Variants in EHMT1 observed in about 807,000 individuals in gnomAD.
EHMT1 encodes histone-lysine N-methyltransferase EHMT1.
Under a neutral mutation model 147.2 loss-of-function variants are expected in EHMT1, and 15 were observed. The observed-to-expected ratio is 0.10, with a 90% confidence interval of 0.07 to 0.16. The LOEUF (loss-of-function observed/expected upper bound fraction) is 0.16, where lower values mean the gene tolerates loss of function less well. Among genes scored for constraint, EHMT1 ranks in the 10% least tolerant of loss-of-function variants. The pLI is 1.00. For missense variants in EHMT1, 1,587 were observed against 1,772.4 expected (o/e 0.90, Z 1.88); for synonymous variants, 795 against 709.6 (o/e 1.12, Z -1.91).
intron 4 of EHMT1, among the ~76,000 whole-genome samples, chr9:137,740,576 G>T (rs780389948): frequency 6.6e-6 from 1 of 152,168 alleles, no homozygotes; most frequent in Non-Finnish European, 1.5e-5. Context: ...GGACTGAAGC[G>T]GCTCCTCTTC....
chr9:137,632,609 A>G (rs1187671639), intron 1 of EHMT1, among the ~76,000 whole-genome samples: 3 of 151,980 alleles, frequency 2.0e-5, no homozygotes, highest in African/African-American at 7.3e-5. Context: ...TCACAATGTT[A>G]CCCAGGCTGG....
chr9:137,750,657 G>T (rs1340710563), intron 6 of EHMT1, among the ~76,000 whole-genome samples: 1 of 152,224 alleles, frequency 6.6e-6, no homozygotes, highest in Non-Finnish European at 1.5e-5. Flanking sequence ...CAGGACTTTT[G>T]TGTAACTGCT....
intron 18 of EHMT1, among the ~76,000 whole-genome samples, chr9:137,810,293 A>ACCGTCGGTG (rs1443320821): frequency 4.2e-4 from 64 of 151,792 alleles, no homozygotes; most frequent in African/African-American, 8.7e-4. Context: ...CCCTGCGTGA[A>ACCGTCGGTG]AGGCGCTCCT....
chr9:137,779,408 C>T (rs920851370), intron 13 of EHMT1, among the ~76,000 whole-genome samples: 1 of 152,262 alleles, frequency 6.6e-6, no homozygotes, highest in African/African-American at 2.4e-5. Context: ...AGTTTCTTGT[C>T]CGCAGTTTTT....
At chr9:137,793,283 G>A (rs528511136) in intron 16 of EHMT1, among the ~76,000 whole-genome samples, 3 of 152,146 alleles carry the variant, frequency 2.0e-5, no homozygotes, top group South Asian at 4.1e-4. Context: ...GGCAAAGAAG[G>A]GGCTTGAGTA....
At chr9:137,814,550 C>A in intron 22 of EHMT1, 42 bp downstream of exon 22, 1 of 1,595,508 alleles carries the variant, frequency 6.3e-7, no homozygotes. Context: ...TGGTAAGTGC[C>A]GCTGGTCCGG....
intron 1 of EHMT1, among the ~76,000 whole-genome samples, chr9:137,661,699 C>G (rs1400209827): frequency 6.6e-6 from 1 of 151,822 alleles, no homozygotes; most frequent in African/African-American, 2.4e-5. Context: ...TTGGCCAGGC[C>G]GGTCTCAAAC....
chr9:137,716,699 G>T lies in EHMT1; in HGVS notation c.159G>T (p.Glu53Asp), dbSNP rs202066668. ...AGEAHMAADG[E>D]TNGSCENSDA... ...AGGCCCACATGGCTGCGGACGGTGA[G>T]ACCAATGGGTCTTGTGAAAACAGCG... Residue 53 changes from glutamate (E) to aspartate (D), a missense_variant, in exon 3 of 27, where the codon GAG becomes GAT. Transcript: ENST00000460843. 1.7e-4 allele frequency: 274 copies of T among 1,609,208 alleles called. No individual in the cohort carries two copies. Among genetic ancestry groups the T allele is most frequent in the Non-Finnish European group, 2.3e-4 (265 of 1,176,906 alleles).
At chr9:137,714,018 C>T (rs1944977818) in intron 2 of EHMT1, among the ~76,000 whole-genome samples, 2 of 152,188 alleles carry the variant, frequency 1.3e-5, no homozygotes, top group Non-Finnish European at 2.9e-5. Context: ...CCTTGCTAAA[C>T]TCGTTTATTA....
chr9:137,659,788 G>C (rs1938881530), intron 1 of EHMT1, among the ~76,000 whole-genome samples: 1 of 151,928 alleles, frequency 6.6e-6, no homozygotes, highest in Admixed American at 6.6e-5. Flanking sequence ...TGTTGCCCAG[G>C]CTGGTCTCAA....
At chr9:137,633,501 C>T (rs1256884973) in intron 1 of EHMT1, among the ~76,000 whole-genome samples, 3 of 152,158 alleles carry the variant, frequency 2.0e-5, no homozygotes, top group African/African-American at 4.8e-5. Flanking sequence ...GTCTTCACAC[C>T]GATAGCTGTT....
chr9:137,708,450 C>A (rs953622446), intron 1 of EHMT1, among the ~76,000 whole-genome samples: 3 of 152,182 alleles, frequency 2.0e-5, no homozygotes, highest in Non-Finnish European at 4.4e-5. Context: ...TTGTCCCATG[C>A]GTGATTTTGA....
At chr9:137,807,986 G>A (rs1954092427) in intron 18 of EHMT1, among the ~76,000 whole-genome samples, 1 of 152,200 alleles carries the variant, frequency 6.6e-6, no homozygotes, top group Non-Finnish European at 1.5e-5. Context: ...TGGTGCTAAG[G>A]ACTCTTCTTC....
At chr9:137,625,842 TTTTTG>T (rs1366690768) in intron 1 of EHMT1, among the ~76,000 whole-genome samples, 1 of 151,600 alleles carries the variant, frequency 6.6e-6, no homozygotes, top group Non-Finnish European at 1.5e-5. Flanking sequence ...ATATATATAT[TTTTTG>T]TTTTGTTTTG....
At chr9:137,666,069 G>C (rs1474625551) in intron 1 of EHMT1, 2 of 152,330 alleles carry the variant, frequency 1.3e-5, no homozygotes, top group East Asian at 3.9e-4. Context: ...TTTTTCTTTT[G>C]CTTAATCCCT....
intron 10 of EHMT1, among the ~76,000 whole-genome samples, chr9:137,770,002 A>G (rs1189387610): frequency 4.6e-5 from 7 of 151,948 alleles, no homozygotes; most frequent in Admixed American, 3.9e-4. Flanking sequence ...ACACCTGGCT[A>G]ATTTTTGTAT....
chr9:137,826,058 T>A (rs987595247), intron 25 of EHMT1, among the ~76,000 whole-genome samples: 1 of 152,068 alleles, frequency 6.6e-6, no homozygotes, highest in Non-Finnish European at 1.5e-5. Context: ...AATATCTGAT[T>A]TATATGCTAT....
intron 4 of EHMT1, among the ~76,000 whole-genome samples, chr9:137,730,346 T>G (rs10867056): frequency 0.25 from 38,005 of 152,038 alleles, 5,490 homozygotes; most frequent in Admixed American, 0.39. Context: ...AATGGTGGTT[T>G]TCTAACTCCA....
In EHMT1 at chr9:137,728,438, T is replaced by G; in HGVS notation, c.732T>G (p.Phe244Leu). ...AGATCAACAAAAACATTTCTGACTT[T>G]GGACGACAGCAGCTTTTACCCCCCT... ...KEEINKNISD[F>L]GRQQLLPPFP... Residue 244 changes from phenylalanine (F) to leucine (L), a missense_variant, in exon 4 of 27, where the codon TTT (phenylalanine) becomes TTG (leucine). Physicochemically the swap from Phe to Leu is conservative, Grantham distance 22. This residue lies in a region of EHMT1 where 810 missense variants were observed against 673.0 expected (regional missense o/e 1.20). Transcript: ENST00000460843. 1 of 1,614,200 alleles carries G rather than the reference T, an allele frequency of 6.2e-7. No individual in the cohort carries two copies.
Sources: gnomAD v4.1 joint callset for allele counts (sites outside exome capture counted in the v4.1 genomes callset) on GRCh38, gnomAD v4.1.1 for gene constraint, gnomAD v4.1.1 regional missense constraint, MANE v1.5 for transcripts, NCBI Gene and HGNC (gene_info 2026-07-23, HGNC 2026-07-21) for gene names.